Variants in USP24 observed in about 807,000 individuals in gnomAD.
USP24 encodes ubiquitin carboxyl-terminal hydrolase 24.
In USP24, 97 loss-of-function variants were observed where a neutral mutation model predicts 361.6. The ratio of observed to expected loss-of-function variants is 0.27; its 90% CI spans 0.23 to 0.32. USP24 has a LOEUF of 0.32. Among genes scored for constraint, USP24 ranks in the 10% least tolerant of loss-of-function variants. USP24 has a pLI of 1.00. For missense variants in USP24, 2,353 were observed against 3,165.6 expected (o/e 0.74, Z 6.16); for synonymous variants, 1,098 against 1,124.6 (o/e 0.98, Z 0.47).
rs1647363877 is a variant in USP24, at chr1:55,153,996, T to G, written c.1813-79A>C. ...AATTTCCCGATCTTGGACTTTAAGG[T>G]AAGAGCTTCCAGATATGGCATTTAG... On this transcript the variant is annotated intron_variant, in intron 15 of 67. Coordinates refer to ENST00000294383, the MANE Select transcript of USP24 (RefSeq NM_015306.3). 7 of 1,549,828 alleles carry G rather than the reference T, an allele frequency of 4.5e-6. No individual in the cohort carries two copies. In the South Asian group the frequency reaches 8.2e-5, roughly 18 times the overall value.
chr1:55,115,952 G>A (rs896332389), intron 38 of USP24, among the ~76,000 whole-genome samples: 3 of 152,138 alleles, frequency 2.0e-5, no homozygotes, highest in African/African-American at 7.2e-5. Context: ...TCACTCATAA[G>A]TGGGAGTTGA....
chr1:55,151,923 T>C, intron 16 of USP24: 6 of 985,718 alleles, frequency 6.1e-6, no homozygotes, highest in Non-Finnish European at 6.0e-6. Context: ...CTTTGCTTAG[T>C]TTCTGTGTAG....
Position 55,124,566 on chromosome 1 carries a change from C to T in USP24, c.4023G>A (p.Ala1341=), listed in dbSNP as rs568096117. 23 of 1,613,882 alleles carry T rather than the reference C, an allele frequency of 1.4e-5. No homozygotes were observed. The highest frequency in any genetic ancestry group is 8.0e-5 in the African/African-American group (6 of 75,010). Residue 1341 remains alanine, a synonymous_variant, in exon 35 of 68, where the codon GCG becomes GCA. Coordinates refer to ENST00000294383, the MANE Select transcript of USP24 (RefSeq NM_015306.3). The part of the protein sequence containing the change: ...VACFMRLSWA[A]AAGRLDLVGS... ...CAACAAGATCAAGCCGTCCTGCAGC[C>T]GCAGCCCATGACAATCTCATGAAGC...
chr1:55,119,711 A>G (rs1452348150), intron 38 of USP24, among the ~76,000 whole-genome samples: 1 of 151,894 alleles, frequency 6.6e-6, no homozygotes, highest in Non-Finnish European at 1.5e-5. Context: ...ATAGATATAT[A>G]TATCTCAAAT....
At chr1:55,135,949 C>A (rs991360666) in intron 28 of USP24, among the ~76,000 whole-genome samples, 2 of 152,010 alleles carry the variant, frequency 1.3e-5, no homozygotes, top group African/African-American at 4.8e-5. Context: ...GATTGAGTAC[C>A]TATCATGTTC....
chr1:55,189,211 G>A (rs900161204), intron 1 of USP24, among the ~76,000 whole-genome samples: 17 of 152,142 alleles, frequency 1.1e-4, no homozygotes, highest in African/African-American at 4.1e-4. Context: ...ATGAGTGTTC[G>A]TGGCAGCATT....
chr1:55,201,143 T>C (rs1644561383), intron 1 of USP24, among the ~76,000 whole-genome samples: 1 of 152,142 alleles, frequency 6.6e-6, no homozygotes, highest in Admixed American at 6.5e-5. Context: ...TAGGCAAAAG[T>C]AGATTTAAGA....
At position 55,107,413 on chromosome 1, in the gene USP24, A is replaced by G; in HGVS notation, c.4588T>C (p.Leu1530=). The change falls in exon 40 of 68, where the codon TTA becomes CTA. Residue 1530 remains leucine, a synonymous_variant. Transcript: ENST00000294383. The stretch of plus-strand genomic sequence containing the variant: ...AGCATCGTAGCTGGGCTGATCCTTA[A>G]CTGCTCCATTTCTGAAGCTAAGAAG... The part of the protein sequence containing the change: ...DDLTTSEMEQ[L]RISPATMLED... 6.2e-7 allele frequency: 1 copy of G among 1,601,752 alleles called. No individual in the cohort carries two copies. The highest frequency in any genetic ancestry group is 8.5e-7 in the Non-Finnish European group (1 of 1,175,900).
chr1:55,206,949 C>T (rs909612981), intron 1 of USP24, among the ~76,000 whole-genome samples: 2 of 152,164 alleles, frequency 1.3e-5, no homozygotes, highest in Admixed American at 1.3e-4. Context: ...GGCAGATCGC[C>T]TGAGCTGAGG....
intron 12 of USP24, 114 bp downstream of exon 12, chr1:55,156,834 T>G: frequency 2.8e-6 from 2 of 705,576 alleles, no homozygotes; most frequent in South Asian, 1.8e-5. Flanking sequence ...TAGGTACAGC[T>G]GCTCTGTTTA....
intron 24 of USP24, 76 bp downstream of exon 24, chr1:55,141,540 A>C (rs1184443952): frequency 1.3e-5 from 17 of 1,278,922 alleles, no homozygotes; most frequent in Non-Finnish European, 1.9e-5. Context: ...TAACTGAGAA[A>C]CCTACATAAA....
intron 1 of USP24, among the ~76,000 whole-genome samples, chr1:55,178,880 A>AAAC (rs562624621): frequency 1.1e-4 from 16 of 152,064 alleles, no homozygotes; most frequent in South Asian, 2.1e-4. Flanking sequence ...AAAACAAAAC[A>AAAC]AACAACAACA....
chr1:55,130,161 A>G (rs1646550559), intron 31 of USP24, among the ~76,000 whole-genome samples: 2 of 152,218 alleles, frequency 1.3e-5, no homozygotes, highest in African/African-American at 4.8e-5. Context: ...GCCTACACCT[A>G]AAGTGGAGTT....
rs1647046435 is a variant in USP24 at position 55,147,029 on chromosome 1, A to T, written c.2150T>A (p.Phe717Tyr). Residue 717 changes from phenylalanine (F) to tyrosine (Y), a missense_variant, in exon 19 of 68, where the codon TTT (phenylalanine) becomes TAT (tyrosine). Transcript: ENST00000294383. ...YLEAHLKFLAFFLQEATLYLG... is the reference protein window; with the variant it reads ...YLEAHLKFLAYFLQEATLYLG... Reference sequence around the variant, plus strand: ...ATACAGAGTAGCTTCTTGCAAGAAAAACGCTAGAAATTTTAGATGTGCCTC... The same window carrying T: ...ATACAGAGTAGCTTCTTGCAAGAAATACGCTAGAAATTTTAGATGTGCCTC... 5 of 1,593,374 alleles carry T rather than the reference A, an allele frequency of 3.1e-6. No homozygotes were observed. The East Asian group carries it at 1.1e-4, about 37-fold the overall frequency.
At chr1:55,135,172 TG>T (rs1246296826) in intron 28 of USP24, among the ~76,000 whole-genome samples, 1 of 152,160 alleles carries the variant, frequency 6.6e-6, no homozygotes, top group African/African-American at 2.4e-5. Context: ...AAAATTGAGA[TG>T]GGGGTCTCGC....
rs988407859 is a variant in USP24 at position 55,137,831 on chromosome 1, A to G, written c.3002T>C (p.Ile1001Thr). 6.3e-7 allele frequency: 1 copy of G among 1,593,786 alleles called. No homozygotes were observed. Among genetic ancestry groups the G allele is most frequent in the African/African-American group, 1.3e-5 (1 of 74,500 alleles). The change falls in exon 27 of 68, where the codon ATA (isoleucine) becomes ACA (threonine). Residue 1001 changes from isoleucine to threonine, a missense_variant. Ile to Thr is a moderately conservative substitution (Grantham distance 89). Coordinates refer to ENST00000294383, the MANE Select transcript of USP24 (RefSeq NM_015306.3). ...CAGGCTATCATTTGTAAATATCTGTATATTATCCACAGGAGAGCACAACTG... is the reference window on the plus strand; with the variant it reads ...CAGGCTATCATTTGTAAATATCTGTGTATTATCCACAGGAGAGCACAACTG... ...AKQLCSPVDN[I>T]QIFTNDSLLT...
In USP24 at chr1:55,172,496, T is replaced by G. The variant is rs1208257533; in HGVS notation, c.583A>C (p.Lys195Gln). The change falls in exon 4 of 68, where the codon AAG (lysine) becomes CAG (glutamine). Residue 195 changes from lysine to glutamine, a missense_variant. Physicochemically the swap from Lys to Gln is moderately conservative, Grantham distance 53. Around this residue, in one of 8 missense-constraint regions of USP24, gnomAD observed 386 missense variants for 560.5 expected, o/e 0.69. Coordinates refer to ENST00000294383, the MANE Select transcript of USP24 (RefSeq NM_015306.3). ...CCTTCATGAATTTCAGTACCCCACT[T>G]GTGAACAGCACTTGATGTCAGGAGC... ...KKLLTSSAVH[K>Q]WGTEIHEGIY... 6.2e-7 allele frequency: 1 copy of G among 1,613,240 alleles called. No individual in the cohort carries two copies. Among genetic ancestry groups the G allele is most frequent in the Non-Finnish European group, 8.5e-7 (1 of 1,179,544 alleles).
At chr1:55,137,094 G>T (rs1304768100) in intron 28 of USP24, among the ~76,000 whole-genome samples, 3 of 152,292 alleles carry the variant, frequency 2.0e-5, no homozygotes, top group African/African-American at 7.2e-5. Flanking sequence ...AACAGGCGGA[G>T]AGACAGTGGA....
chr1:55,210,157 T>C (rs1405029947), intron 1 of USP24, among the ~76,000 whole-genome samples: 4 of 152,196 alleles, frequency 2.6e-5, no homozygotes, highest in Admixed American at 2.6e-4. Flanking sequence ...ACATTCATTC[T>C]AAAAGTGAAT....
Sources: allele counts gnomAD v4.1 joint callset (sites outside exome capture counted in the v4.1 genomes callset), GRCh38; gene constraint gnomAD v4.1.1; regional missense constraint gnomAD v4.1.1; transcripts MANE v1.5; gene names NCBI Gene and HGNC (gene_info 2026-07-23, HGNC 2026-07-21).